The following NTM variants were observed in gnomAD, a reference collection of about 807,000 sequenced individuals.
NTM encodes the protein IgLON family member 2.
In NTM, 13 loss-of-function variants were observed where a neutral mutation model predicts 42.1. The ratio of observed to expected loss-of-function variants is 0.31; its 90% CI spans 0.20 to 0.49. The LOEUF is 0.49. Among genes scored for constraint, NTM ranks in the 20% least tolerant of loss-of-function variants. The probability of loss-of-function intolerance (pLI) is 0.99; values close to 1 mark genes in which losing one functional copy is unlikely to be tolerated. For synonymous variants in NTM, 187 were observed against 179.2 expected, an observed-to-expected ratio of 1.04 and a Z score of -0.35; for missense variants, 373 against 452.8, an observed-to-expected ratio of 0.82 and a Z score of 1.60.
intron 2 of NTM, among the ~76,000 whole-genome samples, chr11:131,951,506 G>GAT (rs1400674280): frequency 4.6e-5 from 7 of 152,180 alleles, no homozygotes; most frequent in Non-Finnish European, 1.0e-4. Context: ...CAGAAGCAAA[G>GAT]ATAGAGGCCT....
intron 2 of NTM, among the ~76,000 whole-genome samples, chr11:132,082,721 G>A (rs1274701373): frequency 1.3e-5 from 2 of 152,212 alleles, no homozygotes; most frequent in Middle Eastern, 3.2e-3. Flanking sequence ...TGATCCTGCT[G>A]ACAGGGGGCA....
intron 1 of NTM, among the ~76,000 whole-genome samples, chr11:131,435,345 A>G (rs957020801): frequency 6.6e-6 from 1 of 152,202 alleles, no homozygotes; most frequent in South Asian, 2.1e-4. Flanking sequence ...TGGGAGCTTG[A>G]TGGGGATGGA....
intron 2 of NTM, among the ~76,000 whole-genome samples, chr11:132,041,674 G>T (rs991843210): frequency 8.5e-5 from 13 of 152,150 alleles, no homozygotes; most frequent in African/African-American, 3.1e-4. Context: ...GAAGGATCAT[G>T]GCTGATGACA....
intron 1 of NTM, among the ~76,000 whole-genome samples, chr11:131,799,155 A>G (rs60510751): frequency 0.076 from 11,600 of 152,204 alleles, 1,504 homozygotes; most frequent in African/African-American, 0.26. Context: ...TTTTATAATC[A>G]AGAGTATACA....
intron 3 of NTM, among the ~76,000 whole-genome samples, chr11:132,154,268 A>G: frequency 6.6e-6 from 1 of 152,198 alleles, no homozygotes; most frequent in East Asian, 1.9e-4. Context: ...TTGACAATGG[A>G]CAAATACTCA....
At chr11:131,899,239 G>T (rs1182845284) in intron 1 of NTM, among the ~76,000 whole-genome samples, 1 of 152,094 alleles carries the variant, frequency 6.6e-6, no homozygotes, top group Non-Finnish European at 1.5e-5. Context: ...AAAGTTGGAG[G>T]TCATACATGG....
intron 1 of NTM, among the ~76,000 whole-genome samples, chr11:131,765,112 T>G (rs1474505472): frequency 6.6e-6 from 1 of 152,096 alleles, no homozygotes; most frequent in African/African-American, 2.4e-5. Context: ...TAAAGAATGC[T>G]CTGTATGAGA....
chr11:131,963,214 G>A (rs564948811), intron 2 of NTM, among the ~76,000 whole-genome samples: 3 of 152,078 alleles, frequency 2.0e-5, no homozygotes, highest in South Asian at 2.1e-4. Flanking sequence ...ACACCAGCTC[G>A]CCATGCTCCC....
chr11:132,317,690 G>GGTCAGTATCTTCCTTGCTTTATGTT (rs759884364), intron 7 of NTM: 6 of 1,303,502 alleles, frequency 4.6e-6, no homozygotes, highest in Non-Finnish European at 6.1e-6. Context: ...TTTGTTGCAA[G>GGTCAGTATCTTCCTTGCTTTATGTT]GTCAGTATCT....
At chr11:131,525,996 G>A (rs1329639485) in intron 1 of NTM, among the ~76,000 whole-genome samples, 5 of 152,202 alleles carry the variant, frequency 3.3e-5, no homozygotes, top group Admixed American at 1.3e-4. Flanking sequence ...ATCCCACGGT[G>A]TTGAGATTCA....
At chr11:131,740,031 G>A (rs1255544833) in intron 1 of NTM, among the ~76,000 whole-genome samples, 2 of 152,176 alleles carry the variant, frequency 1.3e-5, no homozygotes, top group Admixed American at 6.5e-5. Context: ...TTGAAGCTTC[G>A]CTCTGACACT....
At chr11:131,410,517 C>CAAAAAAAAAAAAAAAAAAAAA (rs1161389222) in intron 1 of NTM, among the ~76,000 whole-genome samples, 1 of 32,754 alleles carries the variant, frequency 3.1e-5, no homozygotes, top group Non-Finnish European at 5.0e-5. Context: ...AAACAATAAC[C>CAAAAAAAAAAAAAAAAAAAAA]AAAAAAAAAA....
At chr11:132,248,100 C>G (rs1458432878) in intron 4 of NTM, among the ~76,000 whole-genome samples, 1 of 152,140 alleles carries the variant, frequency 6.6e-6, no homozygotes, top group Non-Finnish European at 1.5e-5. Context: ...TCTGATGAAT[C>G]TTTAATTCTA....
intron 1 of NTM, among the ~76,000 whole-genome samples, chr11:131,374,549 G>T (rs144300094): frequency 6.6e-6 from 1 of 152,062 alleles, no homozygotes; most frequent in Non-Finnish European, 1.5e-5. Flanking sequence ...CTTCCATAGC[G>T]CTGGTTTTAA....
chr11:132,180,875 C>A (rs1200927331), intron 3 of NTM, among the ~76,000 whole-genome samples: 1 of 152,166 alleles, frequency 6.6e-6, no homozygotes, highest in African/African-American at 2.4e-5. Context: ...CCAACATAGG[C>A]CCCTTCCTGG....
intron 1 of NTM, among the ~76,000 whole-genome samples, chr11:131,588,628 A>G (rs914540002): frequency 2.6e-4 from 39 of 152,344 alleles, no homozygotes; most frequent in South Asian, 1.7e-3. Flanking sequence ...CAGACAATCA[A>G]AAGAAAAAGC....
chr11:132,183,055 C>G (rs147757413), intron 3 of NTM, among the ~76,000 whole-genome samples: 1 of 152,178 alleles, frequency 6.6e-6, no homozygotes, highest in Non-Finnish European at 1.5e-5. Flanking sequence ...GCATCTCACA[C>G]GGTGCTGTAC....
chr11:132,315,093 C>A, intron 7 of NTM: 1 of 1,000,868 alleles, frequency 1.0e-6, no homozygotes, highest in Non-Finnish European at 1.2e-6. Flanking sequence ...TTTTTTTTCT[C>A]AGTGATGATG....
At chr11:132,288,755 G>A (rs547692134) in intron 4 of NTM, among the ~76,000 whole-genome samples, 4 of 152,026 alleles carry the variant, frequency 2.6e-5, no homozygotes, top group Admixed American at 6.6e-5. Context: ...GAGTAGCTGG[G>A]ATTACAGGCG....
Sources: allele counts gnomAD v4.1 joint callset (sites outside exome capture counted in the v4.1 genomes callset), GRCh38; gene constraint gnomAD v4.1.1; transcripts MANE v1.5; gene names NCBI Gene and HGNC (gene_info 2026-07-23, HGNC 2026-07-21).